SVEP1: variants seen among roughly 807,000 people sequenced by gnomAD.
SVEP1 encodes the protein sushi, von Willebrand factor type A, EGF and pentraxin domain-containing protein 1.
Under a neutral mutation model 367.3 loss-of-function variants are expected in SVEP1, and 164 were observed. That is an observed-to-expected ratio of 0.45 (90% confidence interval 0.39 to 0.51). The LOEUF (loss-of-function observed/expected upper bound fraction) is 0.51. Ranked by LOEUF, SVEP1 falls within the 20% of genes least tolerant of loss-of-function variation. SVEP1 has a pLI of 0.00. For missense variants in SVEP1, 4,117 were observed against 4,425.3 expected (o/e 0.93, Z 1.98); for synonymous variants, 1,666 against 1,611.6 (o/e 1.03, Z -0.81).
Position 110,406,393 on chromosome 9 carries a change from C to T in SVEP1, c.9207G>A (p.Met3069Ile), listed in dbSNP as rs1357422047. 2 of 1,614,060 alleles carry T rather than the reference C, an allele frequency of 1.2e-6. No homozygotes were observed. Among genetic ancestry groups the T allele is most frequent in the Non-Finnish European group, 1.7e-6 (2 of 1,179,906 alleles). Residue 3069 changes from methionine (M) to isoleucine (I), a missense_variant, in exon 38 of 48, where the codon ATG becomes ATA. By Grantham distance (10) the Met-to-Ile change is conservative. Transcript: ENST00000374469. ...TCTCACTGATGAACGCATTTGGTATCATTGGAAGAGAACCACAAGAAGTGT... is the reference window on the plus strand; with the variant it reads ...TCTCACTGATGAACGCATTTGGTATTATTGGAAGAGAACCACAAGAAGTGT... ...CEHTSCGSLP[M>I]IPNAFISETS... is the part of the protein sequence containing the mutation.
chr9:110,399,246 TA>T (rs896375128), intron 40 of SVEP1, among the ~76,000 whole-genome samples: 77 of 148,922 alleles, frequency 5.2e-4, no homozygotes, highest in African/African-American at 1.8e-3. Flanking sequence ...ATCCCAAGGA[TA>T]AAAAACCAAA....
chr9:110,512,774 C>T lies in SVEP1; in HGVS notation c.1303+152G>A, dbSNP rs766898630. 4 of 921,664 alleles carry T rather than the reference C, an allele frequency of 4.3e-6. No homozygotes were observed. In the South Asian group the frequency reaches 5.9e-5, roughly 14 times the overall value. The allele number at this position is 921,664 out of a possible 1,614,324, so 57.1% of individuals were successfully genotyped here. A position where few individuals can be genotyped will look rare whatever the true frequency, so the allele number is the denominator to read the frequency against. ...ATGTGGTCAATTGAACTTGGTAATT[C>T]TGATTTCAAATTTCCTATAATTTTT... On this transcript the variant is annotated intron_variant, in intron 5 of 47. Transcript: ENST00000374469.
rs138342387 is a variant in SVEP1, at chr9:110,507,370, G to C, written c.1304-4153C>G. Reference sequence around the variant, plus strand: ...TTAAAATACCAGGAAAGGAAGCTGGGGGCAAAATGTTCAAGTGCATATTCA... The same window carrying C: ...TTAAAATACCAGGAAAGGAAGCTGGCGGCAAAATGTTCAAGTGCATATTCA... On this transcript the variant is annotated intron_variant, in intron 5 of 47. Coordinates refer to ENST00000374469, the MANE Select transcript of SVEP1 (RefSeq NM_153366.4). Among the ~76,000 whole-genome samples the C allele has an allele frequency of 3.6e-3, 542 of 152,240 alleles. 2 individuals are homozygous for C. The highest frequency in any genetic ancestry group is 0.012 in the African/African-American group (504 of 41,544).
intron 36 of SVEP1, among the ~76,000 whole-genome samples, chr9:110,417,392 A>T (rs1482948043): frequency 1.2e-5 from 1 of 83,132 alleles, no homozygotes; most frequent in Non-Finnish European, 2.5e-5. Context: ...CCACCCGAAT[A>T]TTGCGCTTTT....
rs144639631 is a variant in SVEP1, at chr9:110,394,686, C to A, written c.9823-5099G>T. Reference sequence around the variant, plus strand: ...CCTGATGGAGCTGAAAACCAAGGCACGAGAACTACGTGACCAGTGCAGAAG... The same window carrying A: ...CCTGATGGAGCTGAAAACCAAGGCAAGAGAACTACGTGACCAGTGCAGAAG... On this transcript the variant is annotated intron_variant, in intron 40 of 47. Coordinates refer to ENST00000374469, the MANE Select transcript of SVEP1 (RefSeq NM_153366.4). 9.3e-4 allele frequency among the ~76,000 whole-genome samples: 142 copies of A among 152,228 alleles called. 1 individual carries two copies. Among genetic ancestry groups the A allele is most frequent in the African/African-American group, 3.2e-3 (132 of 41,522 alleles).
intron 1 of SVEP1, among the ~76,000 whole-genome samples, chr9:110,575,668 A>G (rs1220733566): frequency 6.6e-6 from 1 of 152,234 alleles, no homozygotes; most frequent in Non-Finnish European, 1.5e-5. Flanking sequence ...CTAACAAAAC[A>G]TTTGTTGCCA....
At chr9:110,439,590 G>A (rs1828481608) in intron 27 of SVEP1, among the ~76,000 whole-genome samples, 1 of 151,874 alleles carries the variant, frequency 6.6e-6, no homozygotes, top group African/African-American at 2.4e-5. Flanking sequence ...AGTAGAGACG[G>A]GGTTTCACCA....
chr9:110,449,680 T>A lies in SVEP1; in HGVS notation c.4103+379A>T, dbSNP rs189516339. ...CCTGGGAGACAAGAGCAAAATTCCA[T>A]CTCAGAAAATAAAAAAATAAAAATA... On this transcript the variant is annotated intron_variant, in intron 24 of 47. Transcript: ENST00000374469. 2.6e-5 allele frequency among the ~76,000 whole-genome samples: 4 copies of A among 152,174 alleles called. No homozygotes were observed. In the East Asian group the frequency reaches 7.7e-4, roughly 29 times the overall value.
At chr9:110,505,056 C>A (rs1588084463) in intron 5 of SVEP1, among the ~76,000 whole-genome samples, 1 of 152,310 alleles carries the variant, frequency 6.6e-6, no homozygotes, top group East Asian at 1.9e-4. Flanking sequence ...CCCCGTACCT[C>A]AGCCAGCCTC....
At chr9:110,459,775 G>GT (rs1828829849) in intron 18 of SVEP1, among the ~76,000 whole-genome samples, 1 of 151,888 alleles carries the variant, frequency 6.6e-6, no homozygotes, top group African/African-American at 2.4e-5. Flanking sequence ...TTCAGCATTG[G>GT]TATTATTAAA....
intron 26 of SVEP1, 88 bp from the exon 27 acceptor site, chr9:110,443,808 T>C: frequency 8.2e-7 from 1 of 1,215,162 alleles, no homozygotes; most frequent in Non-Finnish European, 1.1e-6. Flanking sequence ...TTCTTCTTTT[T>C]CTTTTTTTGT....
Position 110,406,794 on chromosome 9 carries a change from T to C in SVEP1, c.8806A>G (p.Asn2936Asp). 6.2e-7 allele frequency: 1 copy of C among 1,614,052 alleles called. No homozygotes were observed. Residue 2936 changes from asparagine to aspartate, a missense_variant, in exon 38 of 48, where the codon AAC becomes GAC. By Grantham distance (23) the Asn-to-Asp change is conservative. Transcript: ENST00000374469. Reference protein sequence around the residue: ...APKLTCQSDGNWDAEIPLCKP... With the variant: ...APKLTCQSDGDWDAEIPLCKP... ...CAGAGAGGAATCTCTGCATCCCAGT[T>C]GCCATCTGACTGACAGGTGAGTTTT...
At chr9:110,473,301 A>C (rs1241400789) in intron 14 of SVEP1, among the ~76,000 whole-genome samples, 1 of 152,222 alleles carries the variant, frequency 6.6e-6, no homozygotes, top group Non-Finnish European at 1.5e-5. Flanking sequence ...TGTTATAAAA[A>C]AAATGAGCAA....
chr9:110,406,860 T>C lies in SVEP1; in HGVS notation c.8740A>G (p.Thr2914Ala). The C allele has an allele frequency of 1.2e-6, 2 of 1,613,952 alleles. No homozygotes were observed. Among genetic ancestry groups the C allele is most frequent in the African/African-American group, 1.3e-5 (1 of 75,028 alleles). ...GLDYGFMKEVTFHCHEGYILH... is the reference protein window; with the variant it reads ...GLDYGFMKEVAFHCHEGYILH... The stretch of plus-strand genomic sequence containing the variant: ...ATGTAGCCCTCGTGACAGTGGAATG[T>C]TACTTCCTTCATGAAGCCATAGTCC... The change falls in exon 38 of 48, where the codon ACA becomes GCA. Residue 2914 changes from threonine to alanine, a missense_variant. By Grantham distance (58) the Thr-to-Ala change is moderately conservative. This residue lies in a region of SVEP1 where 1,765 missense variants were observed against 1,781.1 expected (regional missense o/e 0.99). Coordinates refer to ENST00000374469, the MANE Select transcript of SVEP1 (RefSeq NM_153366.4).
chr9:110,568,000 T>C (rs1450791094), intron 1 of SVEP1, among the ~76,000 whole-genome samples: 1 of 152,202 alleles, frequency 6.6e-6, no homozygotes, highest in Admixed American at 6.5e-5. Context: ...TAAGCTGCGA[T>C]ACTTCTAAGG....
intron 1 of SVEP1, among the ~76,000 whole-genome samples, chr9:110,568,840 C>T (rs1830521766): frequency 6.6e-6 from 1 of 152,202 alleles, no homozygotes; most frequent in Admixed American, 6.5e-5. Flanking sequence ...TGGCTCATGC[C>T]TATAATCCCA....
chr9:110,397,811 A>G (rs1280726844), intron 40 of SVEP1, among the ~76,000 whole-genome samples: 9 of 152,092 alleles, frequency 5.9e-5, no homozygotes, highest in Admixed American at 5.9e-4. Context: ...CTTCAAGGAG[A>G]ACTACAAACC....
Position 110,482,480 on chromosome 9 carries a change from A to C in SVEP1, c.2051T>G (p.Val684Gly). ...QFSDNSGAEL[V>G]ITRSHTQGDL... is the part of the protein sequence containing the mutation. ...TCCTTGTGTATGACTTCTGGTAATGACCAATTCAGCCCCTGGAAAGGAAAG... is the reference window on the plus strand; with the variant it reads ...TCCTTGTGTATGACTTCTGGTAATGCCCAATTCAGCCCCTGGAAAGGAAAG... The change falls in exon 11 of 48, where the codon GTC becomes GGC. Residue 684 changes from valine (V) to glycine (G), a missense_variant. By Grantham distance (109) the Val-to-Gly change is moderately radical (BLOSUM62 -3). This residue lies in a region of SVEP1 where 2,174 missense variants were observed against 2,494.3 expected (regional missense o/e 0.87). Transcript: ENST00000374469. 1 of 1,571,910 alleles carries C rather than the reference A, an allele frequency of 6.4e-7. No homozygotes were observed. Among genetic ancestry groups the C allele is most frequent in the Non-Finnish European group, 8.6e-7 (1 of 1,157,184 alleles).
chr9:110,453,215 A>G (rs1450789850), intron 22 of SVEP1, among the ~76,000 whole-genome samples: 1 of 152,126 alleles, frequency 6.6e-6, no homozygotes, highest in Non-Finnish European at 1.5e-5. Flanking sequence ...TTAGTATAAT[A>G]ATGATGAGTT....
Sources: gnomAD v4.1 joint callset for allele counts (sites outside exome capture counted in the v4.1 genomes callset) on GRCh38, gnomAD v4.1.1 for gene constraint, gnomAD v4.1.1 regional missense constraint, MANE v1.5 for transcripts, NCBI Gene and HGNC (gene_info 2026-07-23, HGNC 2026-07-21) for gene names.